The following GPATCH2 variants were observed in gnomAD, a reference collection of about 807,000 sequenced individuals.
GPATCH2 encodes the protein G-patch domain containing 2.
In GPATCH2, 51 loss-of-function variants were observed where a neutral mutation model predicts 58.0. The ratio of observed to expected loss-of-function variants is 0.88; its 90% CI spans 0.70 to 1.11. The LOEUF (loss-of-function observed/expected upper bound fraction) is 1.11, where lower values mean the gene tolerates loss of function less well. Ranked by LOEUF, GPATCH2 falls within the 50% of genes most tolerant of loss-of-function variation. GPATCH2 has a pLI of 0.00. For missense variants in GPATCH2, 625 were observed against 652.2 expected, an observed-to-expected ratio of 0.96 and a Z score of 0.45; for synonymous variants, 222 against 218.5, an observed-to-expected ratio of 1.02 and a Z score of -0.14.
At chr1:217,462,309 A>T (rs1481172647) in intron 8 of GPATCH2, among the ~76,000 whole-genome samples, 7 of 152,196 alleles carry the variant, frequency 4.6e-5, no homozygotes, top group Admixed American at 4.6e-4. Context: ...TATAAACTTC[A>T]GAAATCAAAT....
chr1:217,468,431 C>T (rs1458180625), intron 8 of GPATCH2, among the ~76,000 whole-genome samples: 1 of 151,516 alleles, frequency 6.6e-6, no homozygotes, highest in Admixed American at 6.6e-5. Context: ...TAGAGAAAAT[C>T]GGCAACATTC....
At chr1:217,568,613 A>AAG (rs1260601791) in intron 5 of GPATCH2, among the ~76,000 whole-genome samples, 1 of 152,232 alleles carries the variant, frequency 6.6e-6, no homozygotes, top group Non-Finnish European at 1.5e-5. Flanking sequence ...AGGCTGAGGG[A>AAG]AGAGCTATCT....
intron 1 of GPATCH2, among the ~76,000 whole-genome samples, chr1:217,621,608 C>T (rs1400201154): frequency 6.6e-6 from 1 of 152,188 alleles, no homozygotes; most frequent in African/African-American, 2.4e-5. Flanking sequence ...ATGGGTATGG[C>T]TGTGTTCTAA....
At chr1:217,560,428 C>T (rs1390565348) in intron 5 of GPATCH2, among the ~76,000 whole-genome samples, 2 of 152,122 alleles carry the variant, frequency 1.3e-5, no homozygotes, top group African/African-American at 4.8e-5. Flanking sequence ...AATAGTGGGG[C>T]TCAATACATG....
chr1:217,465,056 A>T (rs887167540), intron 8 of GPATCH2, among the ~76,000 whole-genome samples: 3 of 152,090 alleles, frequency 2.0e-5, no homozygotes, highest in Non-Finnish European at 4.4e-5. Context: ...AGGAAGATTT[A>T]AAAGAAGAGA....
chr1:217,586,104 G>C lies in GPATCH2; in HGVS notation c.1098+24217C>G, dbSNP rs187655771. Among the ~76,000 whole-genome samples the C allele has an allele frequency of 4.6e-5, 7 of 152,194 alleles. No homozygotes were observed. In the East Asian group the frequency reaches 1.4e-3, roughly 29 times the overall value. ...TGAGGGAGAGGTGAGTGAAAGTGAA[G>C]GCCTAGAACACTTCTAGACACTAAT... On this transcript the variant is annotated intron_variant, in intron 5 of 9. Transcript: ENST00000366935.
chr1:217,620,229 A>C lies in GPATCH2; in HGVS notation c.327T>G (p.Asn109Lys). Reference protein sequence around the residue: ...PSKDYRENHNNNKKDHSDSDD... With the variant: ...PSKDYRENHNKNKKDHSDSDD... Reference sequence around the variant, plus strand: ...CAGAGTCACTGTGATCTTTTTTATTATTATTGTGATTCTCTCTATAGTCCT... The same window carrying C: ...CAGAGTCACTGTGATCTTTTTTATTCTTATTGTGATTCTCTCTATAGTCCT... The change falls in exon 2 of 10, where the codon AAT (asparagine) becomes AAG (lysine). Residue 109 changes from asparagine to lysine, a missense_variant. Physicochemically the swap from Asn to Lys is moderately conservative, Grantham distance 94. Coordinates refer to ENST00000366935, the MANE Select transcript of GPATCH2 (RefSeq NM_018040.5). The C allele has an allele frequency of 6.2e-7, 1 of 1,613,768 alleles. No individual in the cohort carries two copies. Among genetic ancestry groups the C allele is most frequent in the Non-Finnish European group, 8.5e-7 (1 of 1,179,816 alleles).
intron 3 of GPATCH2, among the ~76,000 whole-genome samples, chr1:217,613,133 G>A (rs1668714457): frequency 1.3e-5 from 2 of 151,902 alleles, no homozygotes; most frequent in South Asian, 4.1e-4. Context: ...TATCAGGATG[G>A]TTACCCTTGC....
intron 7 of GPATCH2, among the ~76,000 whole-genome samples, chr1:217,497,675 C>T (rs532848072): frequency 6.6e-5 from 10 of 152,124 alleles, no homozygotes; most frequent in African/African-American, 2.4e-4. Flanking sequence ...TTGACCACTC[C>T]CCTTTATTTT....
intron 8 of GPATCH2, among the ~76,000 whole-genome samples, chr1:217,449,960 A>G (rs1659583039): frequency 6.6e-6 from 1 of 152,216 alleles, no homozygotes; most frequent in Non-Finnish European, 1.5e-5. Context: ...AAAACATGAT[A>G]TATAAAAACC....
At chr1:217,511,880 T>C (rs1662871051) in intron 6 of GPATCH2, among the ~76,000 whole-genome samples, 1 of 152,082 alleles carries the variant, frequency 6.6e-6, no homozygotes, top group Non-Finnish European at 1.5e-5. Context: ...TATTTATTTG[T>C]GTAAAAGAAA....
Position 217,528,147 on chromosome 1 carries a change from G to A in GPATCH2, c.1099-13258C>T, listed in dbSNP as rs181094799. Among the ~76,000 whole-genome samples, 211 of 152,224 alleles carry A rather than the reference G, an allele frequency of 1.4e-3. 2 individuals carry two copies. Among genetic ancestry groups the A allele is most frequent in the African/African-American group, 4.6e-3 (193 of 41,520 alleles). ...GAAATAAACCTGACTAGAAGTTCAT[G>A]GAAAATAATGGTTGGATAGGCAACA... On this transcript the variant is annotated intron_variant, in intron 5 of 9. Transcript: ENST00000366935.
At chr1:217,484,457 C>G (rs1305202997) in intron 8 of GPATCH2, among the ~76,000 whole-genome samples, 3 of 151,684 alleles carry the variant, frequency 2.0e-5, no homozygotes, top group Admixed American at 2.0e-4. Context: ...CACTGGTTCT[C>G]CTGAGTCTCC....
intron 5 of GPATCH2, among the ~76,000 whole-genome samples, chr1:217,582,856 C>T (rs1667138446): frequency 6.6e-6 from 1 of 152,168 alleles, no homozygotes; most frequent in South Asian, 2.1e-4. Context: ...ATATACTTAA[C>T]TATGATTAAC....
chr1:217,562,019 A>G (rs1222233393), intron 5 of GPATCH2, among the ~76,000 whole-genome samples: 2 of 152,188 alleles, frequency 1.3e-5, no homozygotes, highest in Middle Eastern at 3.2e-3. Context: ...ACCTGAGCAT[A>G]CAACTTTTCT....
At chr1:217,627,175 T>C (rs1422390254) in intron 1 of GPATCH2, among the ~76,000 whole-genome samples, 1 of 151,970 alleles carries the variant, frequency 6.6e-6, no homozygotes, top group Non-Finnish European at 1.5e-5. Flanking sequence ...TGAGGATGAG[T>C]GGGTACTTAA....
chr1:217,609,313 T>C (rs1668513679), intron 5 of GPATCH2: 33 of 985,306 alleles, frequency 3.3e-5, no homozygotes, highest in Non-Finnish European at 4.0e-5. Context: ...CTTTTAAACA[T>C]GACAATATGA....
intron 8 of GPATCH2, among the ~76,000 whole-genome samples, chr1:217,471,846 T>C (rs184338207): frequency 2.0e-5 from 3 of 152,304 alleles, no homozygotes; most frequent in Non-Finnish European, 4.4e-5. Flanking sequence ...ATCAAATCAT[T>C]TGACATTAAG....
At chr1:217,451,939 TAA>T (rs1217166351) in intron 8 of GPATCH2, among the ~76,000 whole-genome samples, 21 of 152,192 alleles carry the variant, frequency 1.4e-4, no homozygotes, top group Admixed American at 1.4e-3. Context: ...TTCTGAGTGA[TAA>T]AGAGTTTGCT....
Sources: gnomAD v4.1 joint callset for allele counts (sites outside exome capture counted in the v4.1 genomes callset) on GRCh38, gnomAD v4.1.1 for gene constraint, MANE v1.5 for transcripts, NCBI Gene and HGNC (gene_info 2026-07-23, HGNC 2026-07-21) for gene names.